The following PPP1R13B variants were observed in gnomAD, a reference collection of about 807,000 sequenced individuals.
PPP1R13B encodes apoptosis-stimulating of p53 protein 1.
PPP1R13B carries 44 observed loss-of-function variants against 119.8 expected under a neutral mutation model. The observed-to-expected ratio is 0.37, with a 90% CI of 0.29 to 0.47. PPP1R13B has a LOEUF of 0.47. Among genes scored for constraint, PPP1R13B ranks in the 20% least tolerant of loss-of-function variants. The pLI is 0.99. For synonymous variants in PPP1R13B, 542 were observed against 561.5 expected (o/e 0.97, Z 0.49); for missense variants, 1,227 against 1,413.5 (o/e 0.87, Z 2.12).
At chr14:103,749,769 A>T (rs752165123) in intron 8 of PPP1R13B, 25 bp downstream of exon 8, 3 of 1,607,726 alleles carry the variant, frequency 1.9e-6, no homozygotes, top group Non-Finnish European at 2.5e-6. Context: ...TTAGTAGTTT[A>T]TCTCACAAAA....
chr14:103,746,291 T>TGGG, intron 9 of PPP1R13B, 82 bp downstream of exon 9: 6 of 272,100 alleles, frequency 2.2e-5, no homozygotes, highest in Non-Finnish European at 3.0e-5. Flanking sequence ...CTCAGGAGCC[T>TGGG]GCCCCACCCC....
Position 103,847,333 on chromosome 14 carries a change from G to A in PPP1R13B, c.-26C>T, listed in dbSNP as rs1212271499. 1.3e-5 allele frequency: 15 copies of A among 1,184,450 alleles called. No homozygotes were observed. The highest frequency in any genetic ancestry group is 1.7e-5 in the African/African-American group (1 of 60,536). The allele number at this position is 1,184,450 out of a possible 1,614,324, so 73.4% of individuals were successfully genotyped here. On this transcript the variant is annotated 5_prime_UTR_variant, in exon 1 of 17. Coordinates refer to ENST00000202556, the MANE Select transcript of PPP1R13B (RefSeq NM_015316.3). ...CGCGGGGAGAGTCCGCGACGCCCTCGGCCGCCGCCTGACAGGACGCTCCGC... is the reference window on the plus strand; with the variant it reads ...CGCGGGGAGAGTCCGCGACGCCCTCAGCCGCCGCCTGACAGGACGCTCCGC...
At chr14:103,819,955 T>C (rs1286978366) in intron 1 of PPP1R13B, among the ~76,000 whole-genome samples, 2 of 152,202 alleles carry the variant, frequency 1.3e-5, no homozygotes, top group South Asian at 2.1e-4. Flanking sequence ...CAGTTACTTG[T>C]AGTAGAGTTC....
chr14:103,783,770 C>T (rs956636885), intron 3 of PPP1R13B, among the ~76,000 whole-genome samples: 1 of 152,068 alleles, frequency 6.6e-6, no homozygotes, highest in Admixed American at 6.6e-5. Flanking sequence ...AGGATGGTCT[C>T]GAACTACTTG....
In PPP1R13B at chr14:103,847,354, T is replaced by C; in HGVS notation, c.-47A>G. 1 of 1,172,882 alleles carries C rather than the reference T, an allele frequency of 8.5e-7. No homozygotes were observed. The highest frequency in any genetic ancestry group is 1.1e-6 in the Non-Finnish European group (1 of 934,454). 72.7% of individuals were successfully genotyped at this position (1,172,882 alleles called of 1,614,324 possible). On this transcript the variant is annotated 5_prime_UTR_variant, in exon 1 of 17. Transcript: ENST00000202556. ...CCTCGGCCGCCGCCTGACAGGACGCTCCGCGCCGAGCTGTGCCCACCGCTC... is the reference window on the plus strand; with the variant it reads ...CCTCGGCCGCCGCCTGACAGGACGCCCCGCGCCGAGCTGTGCCCACCGCTC...
intron 16 of PPP1R13B, 63 bp downstream of exon 16, chr14:103,735,940 A>G: frequency 1.3e-6 from 2 of 1,549,376 alleles, no homozygotes; most frequent in South Asian, 1.1e-5. Flanking sequence ...ACAGCAGGAT[A>G]GGACCGCATG....
intron 1 of PPP1R13B, among the ~76,000 whole-genome samples, chr14:103,800,007 G>A (rs8020234): frequency 0.41 from 62,276 of 151,628 alleles, 12,946 homozygotes; most frequent in African/African-American, 0.45. Context: ...AGCCAAGATC[G>A]CACCACTGCA....
At chr14:103,806,657 A>C (rs933473057) in intron 1 of PPP1R13B, among the ~76,000 whole-genome samples, 6 of 152,200 alleles carry the variant, frequency 3.9e-5, no homozygotes, top group African/African-American at 1.4e-4. Flanking sequence ...AGTCTAAGCC[A>C]TCACCCTAAA....
intron 1 of PPP1R13B, among the ~76,000 whole-genome samples, chr14:103,830,497 G>A (rs115355810): frequency 1.8e-4 from 28 of 152,248 alleles, no homozygotes; most frequent in East Asian, 7.7e-4. Context: ...AAACTGAGAC[G>A]CAGAGAAATT....
rs555794381 is a variant in PPP1R13B, at chr14:103,749,958, T to C, written c.829-24A>G. The C allele has an allele frequency of 6.8e-5, 109 of 1,601,934 alleles. No individual in the cohort carries two copies. In the South Asian group the frequency reaches 8.6e-4, roughly 13 times the overall value. Reference sequence around the variant, plus strand: ...ATCTACAAACCACAAAATACAACCTTTATGATTTGTGTTAATTAAAAGTCA... The same window carrying C: ...ATCTACAAACCACAAAATACAACCTCTATGATTTGTGTTAATTAAAAGTCA... On this transcript the variant is annotated intron_variant, in intron 7 of 16. Transcript: ENST00000202556.
At chr14:103,832,202 T>C (rs1048085485) in intron 1 of PPP1R13B, among the ~76,000 whole-genome samples, 1 of 152,210 alleles carries the variant, frequency 6.6e-6, no homozygotes, top group African/African-American at 2.4e-5. Context: ...TACTGTTTTC[T>C]TGATGACTCA....
intron 12 of PPP1R13B, 31 bp downstream of exon 12, chr14:103,739,793 G>A (rs763175172): frequency 3.8e-6 from 6 of 1,560,202 alleles, no homozygotes; most frequent in Non-Finnish European, 5.2e-6. Flanking sequence ...TGACCAGGAA[G>A]GCCAGGCTTT....
intron 1 of PPP1R13B, among the ~76,000 whole-genome samples, chr14:103,834,392 T>G (rs1359034582): frequency 6.6e-6 from 1 of 151,722 alleles, no homozygotes; most frequent in Admixed American, 6.6e-5. Flanking sequence ...TAGTAAGTAC[T>G]ACAAAGAGGA....
At chr14:103,814,237 T>C (rs1364303574) in intron 1 of PPP1R13B, among the ~76,000 whole-genome samples, 1 of 152,124 alleles carries the variant, frequency 6.6e-6, no homozygotes, top group Non-Finnish European at 1.5e-5. Context: ...TAATCCCAGC[T>C]ACTTGGGAGG....
At chr14:103,811,166 G>T (rs1469845988) in intron 1 of PPP1R13B, among the ~76,000 whole-genome samples, 1 of 148,540 alleles carries the variant, frequency 6.7e-6, no homozygotes, top group Non-Finnish European at 1.5e-5. Context: ...TACTAATGTT[G>T]ATCACGTGAA....
chr14:103,745,634 C>G (rs2084366645), intron 9 of PPP1R13B, among the ~76,000 whole-genome samples: 1 of 152,204 alleles, frequency 6.6e-6, no homozygotes, highest in Admixed American at 6.5e-5. Flanking sequence ...CAAGACCAAA[C>G]CAACGATGTG....
intron 1 of PPP1R13B, among the ~76,000 whole-genome samples, chr14:103,836,611 A>AT (rs2086784771): frequency 6.6e-6 from 1 of 151,792 alleles, no homozygotes; most frequent in East Asian, 2.0e-4. Flanking sequence ...TCTACTAAAG[A>AT]TAAAAAAAAT....
chr14:103,779,700 T>C (rs1272393767), intron 3 of PPP1R13B, among the ~76,000 whole-genome samples: 1 of 151,830 alleles, frequency 6.6e-6, no homozygotes. Flanking sequence ...CTGAGGAGAA[T>C]AGCTTGAGCC....
Position 103,797,534 on chromosome 14 carries a change from G to A in PPP1R13B, c.10-16C>T. 6.3e-7 allele frequency: 1 copy of A among 1,599,290 alleles called. No individual in the cohort carries two copies. The highest frequency in any genetic ancestry group is 1.1e-5 in the South Asian group (1 of 89,836). On this transcript the variant is annotated splice_polypyrimidine_tract_variant and intron_variant, in intron 1 of 16. Transcript: ENST00000202556. ...TTAATATCATCTGTAAGACAAAAGAGTAAAGCTGTAATTTAGATTCCTTAT... is the reference window on the plus strand; with the variant it reads ...TTAATATCATCTGTAAGACAAAAGAATAAAGCTGTAATTTAGATTCCTTAT...
Sources: allele counts gnomAD v4.1 joint callset (sites outside exome capture counted in the v4.1 genomes callset), GRCh38; gene constraint gnomAD v4.1.1; transcripts MANE v1.5; gene names NCBI Gene and HGNC (gene_info 2026-07-23, HGNC 2026-07-21).